SKAP1: variants seen among roughly 807,000 people sequenced by gnomAD.
SKAP1 encodes the protein src kinase associated phosphoprotein 1.
Under a neutral mutation model 58.5 loss-of-function variants are expected in SKAP1, and 44 were observed. That is an observed-to-expected ratio of 0.75 (90% confidence interval 0.59 to 0.97). SKAP1 has a LOEUF of 0.97. Ranked by LOEUF, SKAP1 falls within the 50% of genes least tolerant of loss-of-function variation. The pLI, the probability that SKAP1 is intolerant of heterozygous loss-of-function variation, is 0.00. For synonymous variants in SKAP1, 127 were observed against 149.7 expected, an observed-to-expected ratio of 0.85 and a Z score of 1.11; for missense variants, 390 against 435.2, an observed-to-expected ratio of 0.90 and a Z score of 0.92.
intron 4 of SKAP1, among the ~76,000 whole-genome samples, chr17:48,320,245 T>A (rs1304094812): frequency 6.6e-6 from 1 of 152,202 alleles, no homozygotes; most frequent in East Asian, 1.9e-4. Context: ...TAAGTATTAA[T>A]TAAGTGATCT....
At chr17:48,288,527 AAC>A (rs1407946112) in intron 4 of SKAP1, among the ~76,000 whole-genome samples, 1 of 152,136 alleles carries the variant, frequency 6.6e-6, no homozygotes. Context: ...CTCTACTAAA[AAC>A]ACAAAAATTA....
intron 1 of SKAP1, among the ~76,000 whole-genome samples, chr17:48,425,119 A>G (rs957479777): frequency 2.0e-5 from 3 of 150,480 alleles, no homozygotes; most frequent in African/African-American, 7.3e-5. Flanking sequence ...TTAGCCTGTC[A>G]TGGTGGCGTG....
At chr17:48,313,135 G>A (rs1410167378) in intron 4 of SKAP1, among the ~76,000 whole-genome samples, 2 of 150,510 alleles carry the variant, frequency 1.3e-5, no homozygotes, top group African/African-American at 4.9e-5. Context: ...TGCACTATTG[G>A]TGGCGGGGCG....
intron 11 of SKAP1, among the ~76,000 whole-genome samples, chr17:48,143,017 A>C (rs950823509): frequency 7.3e-6 from 1 of 136,724 alleles, no homozygotes; most frequent in Admixed American, 7.8e-5. Flanking sequence ...GGGTCTCCCT[A>C]TGTTGCCCAG....
At chr17:48,395,373 T>G (rs75601432) in intron 2 of SKAP1, among the ~76,000 whole-genome samples, 2 of 152,254 alleles carry the variant, frequency 1.3e-5, no homozygotes, top group East Asian at 3.9e-4. Flanking sequence ...TTATCAGAGA[T>G]TTATACCAAC....
At chr17:48,393,514 A>G (rs1360209965) in intron 2 of SKAP1, among the ~76,000 whole-genome samples, 1 of 152,240 alleles carries the variant, frequency 6.6e-6, no homozygotes, top group African/African-American at 2.4e-5. Context: ...AACAAAAAAT[A>G]GCAAAAAGCA....
intron 11 of SKAP1, among the ~76,000 whole-genome samples, chr17:48,144,383 T>C (rs2063804334): frequency 1.3e-5 from 2 of 152,334 alleles, no homozygotes; most frequent in African/African-American, 4.8e-5. Flanking sequence ...AAATAATTTC[T>C]ACTTTGATGA....
intron 4 of SKAP1, among the ~76,000 whole-genome samples, chr17:48,233,225 A>G (rs528553280): frequency 6.6e-6 from 1 of 152,288 alleles, no homozygotes; most frequent in Admixed American, 6.5e-5. Flanking sequence ...CCAGTTCTGG[A>G]TCTCACATTT....
chr17:48,142,896 G>C (rs919739627), intron 11 of SKAP1, among the ~76,000 whole-genome samples: 2 of 151,866 alleles, frequency 1.3e-5, no homozygotes, highest in African/African-American at 4.8e-5. Flanking sequence ...ACCACTCCTG[G>C]GCTTAAGTGA....
At chr17:48,280,864 G>A (rs185973980) in intron 4 of SKAP1, among the ~76,000 whole-genome samples, 14 of 152,082 alleles carry the variant, frequency 9.2e-5, no homozygotes, top group African/African-American at 3.1e-4. Flanking sequence ...CCTTTTTATT[G>A]CTGAATAGAA....
At position 48,403,199 on chromosome 17, in the gene SKAP1, C is replaced by CAA. The variant is rs34653121; in HGVS notation, c.47-6416_47-6415dup. The stretch of plus-strand genomic sequence containing the variant: ...GGCAAAAATCAAGACCCTGTCTCTA[C>CAA]AAAAAAAAAAAAAAAAAGTTTTTAA... On this transcript the variant is annotated intron_variant, in intron 1 of 12. Coordinates refer to ENST00000336915, the MANE Select transcript of SKAP1 (RefSeq NM_003726.4). Among the ~76,000 whole-genome samples, 219 of 89,364 alleles carry CAA rather than the reference C, an allele frequency of 2.5e-3. 2 individuals carry two copies. Among genetic ancestry groups the CAA allele is most frequent in the African/African-American group, 6.4e-3 (148 of 23,016 alleles). 58.6% of individuals were successfully genotyped at this position (89,364 alleles called of 152,430 possible). A position where few individuals can be genotyped will look rare whatever the true frequency, so the allele number is the denominator to read the frequency against.
intron 4 of SKAP1, among the ~76,000 whole-genome samples, chr17:48,312,859 A>G (rs1433764441): frequency 6.6e-6 from 1 of 152,104 alleles, no homozygotes; most frequent in Non-Finnish European, 1.5e-5. Flanking sequence ...TGGCCATATG[A>G]TATCTTGGAG....
chr17:48,241,716 A>T (rs942828077), intron 4 of SKAP1, among the ~76,000 whole-genome samples: 13 of 152,220 alleles, frequency 8.5e-5, no homozygotes, highest in Non-Finnish European at 1.5e-4. Flanking sequence ...ACTATAAAAC[A>T]TCTAATAGTA....
chr17:48,220,852 CAAAAAAAAAA>C (rs56006389), intron 4 of SKAP1, among the ~76,000 whole-genome samples: 2 of 83,660 alleles, frequency 2.4e-5, no homozygotes, highest in Non-Finnish European at 4.2e-5. Context: ...GACTCCATCT[CAAAAAAAAAA>C]AAAAAAAAAA....
intron 11 of SKAP1, among the ~76,000 whole-genome samples, chr17:48,146,467 T>C (rs1356670916): frequency 3.4e-5 from 5 of 146,582 alleles, no homozygotes; most frequent in African/African-American, 1.2e-4. Context: ...CACTCCAGCC[T>C]GGGCAACAGA....
At chr17:48,311,289 C>G (rs916729984) in intron 4 of SKAP1, among the ~76,000 whole-genome samples, 7 of 152,200 alleles carry the variant, frequency 4.6e-5, no homozygotes, top group Non-Finnish European at 8.8e-5. Flanking sequence ...TCACTGAAGA[C>G]TTTTCATTAT....
At chr17:48,145,662 A>G (rs2063823759) in intron 11 of SKAP1, among the ~76,000 whole-genome samples, 1 of 152,076 alleles carries the variant, frequency 6.6e-6, no homozygotes, top group Non-Finnish European at 1.5e-5. Flanking sequence ...TATTGGGGGA[A>G]AACCAGCAGG....
At chr17:48,321,111 C>T (rs1448961206) in intron 4 of SKAP1, among the ~76,000 whole-genome samples, 3 of 152,130 alleles carry the variant, frequency 2.0e-5, no homozygotes, top group African/African-American at 4.8e-5. Flanking sequence ...AAGCAACACT[C>T]AGCTAACCAA....
intron 11 of SKAP1, among the ~76,000 whole-genome samples, chr17:48,161,039 C>T (rs2064061667): frequency 6.6e-6 from 1 of 152,176 alleles, no homozygotes; most frequent in Non-Finnish European, 1.5e-5. Context: ...CTCAACAAGG[C>T]CTGCAGGCCT....
Sources: gnomAD v4.1 joint callset for allele counts (sites outside exome capture counted in the v4.1 genomes callset) on GRCh38, gnomAD v4.1.1 for gene constraint, MANE v1.5 for transcripts, NCBI Gene and HGNC (gene_info 2026-07-23, HGNC 2026-07-21) for gene names.